Variants in PNPLA7 observed in about 807,000 individuals in gnomAD.
PNPLA7 encodes the protein patatin like domain 7, lysophospholipase.
Under a neutral mutation model 161.7 loss-of-function variants are expected in PNPLA7, and 153 were observed. That is an observed-to-expected ratio of 0.95 (90% CI 0.83 to 1.08). PNPLA7 has a LOEUF of 1.08. Ranked by LOEUF, PNPLA7 falls within the 50% of genes least tolerant of loss-of-function variation. PNPLA7 has a pLI of 0.00. For synonymous variants in PNPLA7, 809 were observed against 782.1 expected (o/e 1.03, Z -0.57); for missense variants, 1,739 against 1,856.6 (o/e 0.94, Z 1.16).
chr9:137,498,207 G>T lies in PNPLA7; in HGVS notation c.1796C>A (p.Ala599Glu), dbSNP rs756986796. The T allele has an allele frequency of 6.2e-6, 10 of 1,612,372 alleles. No homozygotes were observed. The East Asian group carries it at 2.2e-4, about 36-fold the overall frequency. ...RKQPTVVLGV[A>E]HTVVKRMSSF... ...CGACATCCTCTTCACCACAGTGTGC[G>T]CCACACCCAGGACGACGGTCGGCTG... Residue 599 changes from alanine to glutamate, a missense_variant, in exon 17 of 35, where the codon GCG (alanine) becomes GAG (glutamate). Physicochemically the swap from Ala to Glu is moderately radical, Grantham distance 107 (BLOSUM62 -1). This residue lies in a region of PNPLA7 where 481 missense variants were observed against 450.0 expected (regional missense o/e 1.07). Coordinates refer to ENST00000406427, the MANE Select transcript of PNPLA7 (RefSeq NM_001098537.3).
chr9:137,545,728 G>A (rs1836470759), intron 4 of PNPLA7, among the ~76,000 whole-genome samples: 1 of 152,226 alleles, frequency 6.6e-6, no homozygotes, highest in Admixed American at 6.5e-5. Context: ...TACAGAGATA[G>A]GAGCTGAGGG....
At chr9:137,527,282 CACAAAAAA>C (rs869137604) in intron 8 of PNPLA7, among the ~76,000 whole-genome samples, 6 of 140,396 alleles carry the variant, frequency 4.3e-5, no homozygotes, top group Non-Finnish European at 6.1e-5. Context: ...AAAAAAAAAC[CACAAAAAA>C]ACAAAAAAAC....
chr9:137,460,097 CG>C lies in PNPLA7; in HGVS notation c.*295del. On this transcript the variant is annotated 3_prime_UTR_variant, in exon 35 of 35. Coordinates refer to ENST00000406427, the MANE Select transcript of PNPLA7 (RefSeq NM_001098537.3). The stretch of plus-strand genomic sequence containing the variant: ...GGGCAGCAGGTGGTTCACAGGGCTT[CG>C]GGGGGCCTCACAGGGCTTCGGGGGG... 9.2e-6 allele frequency: 3 copies of C among 324,492 alleles called. No individual in the cohort carries two copies. Among genetic ancestry groups the C allele is most frequent in the East Asian group, 6.7e-5 (1 of 14,986 alleles). The allele number at this position is 324,492 out of a possible 1,614,324, so 20.1% of individuals were successfully genotyped here. A position where few individuals can be genotyped will look rare whatever the true frequency, so the allele number is the denominator to read the frequency against.
Position 137,546,895 on chromosome 9 carries a change from T to A in PNPLA7, c.208A>T (p.Thr70Ser), listed in dbSNP as rs1350362497. Reference sequence around the variant, plus strand: ...CTCTTCCGGAACCGGTACTGAGGAGTGGGCTGTGCTTGTCCTGCAGGGGAG... The same window carrying A: ...CTCTTCCGGAACCGGTACTGAGGAGAGGGCTGTGCTTGTCCTGCAGGGGAG... The part of the protein sequence containing the change: ...RLRQFRQAQP[T>S]PQYRFRKRDK... Residue 70 changes from threonine (T) to serine (S), a missense_variant, in exon 4 of 35, where the codon ACT becomes TCT. By Grantham distance (58) the Thr-to-Ser change is moderately conservative. This residue lies in a region of PNPLA7 where 209 missense variants were observed against 252.8 expected (regional missense o/e 0.83). Transcript: ENST00000406427. 6 of 1,613,562 alleles carry A rather than the reference T, an allele frequency of 3.7e-6. No homozygotes were observed. Among genetic ancestry groups the A allele is most frequent in the Non-Finnish European group, 5.1e-6 (6 of 1,179,932 alleles).
At chr9:137,502,525 A>G (rs1234807477) in intron 14 of PNPLA7, among the ~76,000 whole-genome samples, 1 of 147,176 alleles carries the variant, frequency 6.8e-6, no homozygotes, top group Non-Finnish European at 1.5e-5. Context: ...GCAGCCACAT[A>G]TCCAGCTCTC....
chr9:137,472,793 A>G (rs1264234958), intron 25 of PNPLA7, among the ~76,000 whole-genome samples: 1 of 151,872 alleles, frequency 6.6e-6, no homozygotes, highest in East Asian at 1.9e-4. Context: ...GGTCTCTACT[A>G]AAAATACAAA....
intron 9 of PNPLA7, among the ~76,000 whole-genome samples, chr9:137,522,227 A>G (rs543413203): frequency 5.7e-4 from 87 of 152,296 alleles, no homozygotes; most frequent in African/African-American, 1.6e-3. Context: ...GGCGCCCGCC[A>G]CCACGCCTGG....
rs559561437 is a variant in PNPLA7, at chr9:137,527,996, G to T, written c.748-5139C>A. Among the ~76,000 whole-genome samples, 12 of 152,300 alleles carry T rather than the reference G, an allele frequency of 7.9e-5. No homozygotes were observed. The East Asian group carries it at 1.7e-3, about 22-fold the overall frequency. On this transcript the variant is annotated intron_variant, in intron 8 of 34. Coordinates refer to ENST00000406427, the MANE Select transcript of PNPLA7 (RefSeq NM_001098537.3). ...GTAGTTTGTGCCTTTCAAGGAATTTGTCAATTTAATCTGCGTGGCTGATTT... is the reference window on the plus strand; with the variant it reads ...GTAGTTTGTGCCTTTCAAGGAATTTTTCAATTTAATCTGCGTGGCTGATTT...
At chr9:137,529,656 G>GTTTTTT (rs542511786) in intron 8 of PNPLA7, among the ~76,000 whole-genome samples, 7 of 119,132 alleles carry the variant, frequency 5.9e-5, no homozygotes, top group Admixed American at 8.7e-5. Flanking sequence ...TTGAATCTTT[G>GTTTTTT]TTTTTTTTTT....
chr9:137,508,262 T>C (rs1424086915), intron 12 of PNPLA7, among the ~76,000 whole-genome samples: 1 of 151,894 alleles, frequency 6.6e-6, no homozygotes, highest in East Asian at 1.9e-4. Flanking sequence ...ATCAACTAGA[T>C]AGCCATTTAG....
chr9:137,491,372 A>G (rs1474698000), intron 20 of PNPLA7: 2 of 659,436 alleles, frequency 3.0e-6, no homozygotes, highest in African/African-American at 4.0e-5. Context: ...TACACTAAGT[A>G]TCTACAGTCT....
At chr9:137,462,379 G>A in intron 30 of PNPLA7, 48 bp from the exon 31 acceptor site, 2 of 1,552,578 alleles carry the variant, frequency 1.3e-6, no homozygotes, top group South Asian at 1.2e-5. Context: ...CCCCTACCCC[G>A]TCCCAGCCTG....
At chr9:137,464,516 G>A (rs973399290) in intron 26 of PNPLA7, 60 bp from the exon 27 acceptor site, 3 of 1,456,254 alleles carry the variant, frequency 2.1e-6, no homozygotes, top group African/African-American at 2.8e-5. Context: ...TGCCACAGCA[G>A]ACACGTGGCG....
intron 21 of PNPLA7, among the ~76,000 whole-genome samples, chr9:137,481,566 T>C (rs2132150654): frequency 6.6e-6 from 1 of 152,134 alleles, no homozygotes; most frequent in East Asian, 1.9e-4. Context: ...GGGGAGAAGC[T>C]AAGATGAGGG....
chr9:137,541,542 G>T lies in PNPLA7; in HGVS notation c.667-820C>A. On this transcript the variant is annotated intron_variant, in intron 7 of 34. Coordinates refer to ENST00000406427, the MANE Select transcript of PNPLA7 (RefSeq NM_001098537.3). This position sits in a 1 kb window ranked among gnomAD's most constrained non-coding sequence, Gnocchi z 4.4. The stretch of plus-strand genomic sequence containing the variant: ...GCTGGCAGGAGCCCTGCAGGTCAGG[G>T]TGATGATCACACAAAGCCCAGGGTT... 3.1e-6 allele frequency: 3 copies of T among 969,298 alleles called. No homozygotes were observed. Among genetic ancestry groups the T allele is most frequent in the Non-Finnish European group, 3.7e-6 (3 of 815,150 alleles). 60.0% of individuals were successfully genotyped at this position (969,298 alleles called of 1,614,324 possible). A position where few individuals can be genotyped will look rare whatever the true frequency, so the allele number is the denominator to read the frequency against.
At chr9:137,480,626 G>A (rs1283634536) in intron 22 of PNPLA7, 146 bp from the exon 23 acceptor site, 15 of 950,900 alleles carry the variant, frequency 1.6e-5, no homozygotes, top group Non-Finnish European at 2.3e-5. Context: ...TCGCTAGTTC[G>A]CAGTGAGTTA....
intron 24 of PNPLA7, 71 bp from the exon 25 acceptor site, chr9:137,478,223 G>T: frequency 7.9e-6 from 9 of 1,142,940 alleles, no homozygotes; most frequent in South Asian, 3.5e-5. Flanking sequence ...ATCCTGGCTT[G>T]ACTGGGGGGA....
At chr9:137,480,760 T>C in intron 22 of PNPLA7, 200 bp downstream of exon 22, 1 of 752,508 alleles carries the variant, frequency 1.3e-6, no homozygotes, top group Non-Finnish European at 2.1e-6. Context: ...TGGGGTCCCC[T>C]GGGAGGCCTG....
chr9:137,541,542 G>A lies in PNPLA7; in HGVS notation c.667-820C>T, dbSNP rs1836203003. ...GCTGGCAGGAGCCCTGCAGGTCAGGGTGATGATCACACAAAGCCCAGGGTT... is the reference window on the plus strand; with the variant it reads ...GCTGGCAGGAGCCCTGCAGGTCAGGATGATGATCACACAAAGCCCAGGGTT... On this transcript the variant is annotated intron_variant, in intron 7 of 34. Coordinates refer to ENST00000406427, the MANE Select transcript of PNPLA7 (RefSeq NM_001098537.3). The surrounding 1 kb of genome is among the most constrained non-coding windows in gnomAD (Gnocchi z 4.4). 6 of 969,300 alleles carry A rather than the reference G, an allele frequency of 6.2e-6. No individual in the cohort carries two copies. The South Asian group carries it at 2.9e-4, about 46-fold the overall frequency. 60.0% of individuals were successfully genotyped at this position (969,300 alleles called of 1,614,324 possible). A position where few individuals can be genotyped will look rare whatever the true frequency, so the allele number is the denominator to read the frequency against.
Sources: allele counts gnomAD v4.1 joint callset (sites outside exome capture counted in the v4.1 genomes callset), GRCh38; gene constraint gnomAD v4.1.1; regional missense constraint gnomAD v4.1.1; non-coding constraint Gnocchi (gnomAD v3.1); transcripts MANE v1.5; gene names NCBI Gene and HGNC (gene_info 2026-07-23, HGNC 2026-07-21).